The following AKNA variants were observed in gnomAD, a reference collection of about 807,000 sequenced individuals.
AKNA encodes the protein AT-hook transcription factor.
A neutral mutation model predicts 138.8 loss-of-function variants in AKNA; 67 were observed. The observed-to-expected ratio is 0.48, with a 90% CI of 0.40 to 0.59. The LOEUF (loss-of-function observed/expected upper bound fraction) is 0.59. AKNA is among the 20% of genes least tolerant of loss of function. AKNA has a pLI of 0.00. For synonymous variants in AKNA, 737 were observed against 754.4 expected, an observed-to-expected ratio of 0.98 and a Z score of 0.38; for missense variants, 1,813 against 1,880.4, an observed-to-expected ratio of 0.96 and a Z score of 0.66.
In AKNA at chr9:114,361,718, T is replaced by G. The variant is rs1355769509; in HGVS notation, c.2110A>C (p.Thr704Pro). 4 of 1,612,558 alleles carry G rather than the reference T, an allele frequency of 2.5e-6. No individual in the cohort carries two copies. The highest frequency in any genetic ancestry group is 1.3e-5 in the African/African-American group (1 of 74,686). Residue 704 changes from threonine to proline, a missense_variant, in exon 9 of 22, where the codon ACC (threonine) becomes CCC (proline). By Grantham distance (38) the Thr-to-Pro change is conservative. Transcript: ENST00000374088. ...CCAAGAGGTACCTCAGGGCAGGAGG[T>G]CTTGATGGCTGGCATGGGGGCTTGT... is the stretch of plus-strand genomic sequence containing the variant. The part of the protein sequence containing the change: ...SGQAPMPAIK[T>P]SCPEPATTTA...
rs139613205 is a variant in AKNA, at chr9:114,360,134, G to A, written c.2125-72C>T. On this transcript the variant is annotated intron_variant, in intron 9 of 21. Transcript: ENST00000374088. ...CACCACTTTTAAGCACTTACCTCCT[G>A]CCAGGCTCGAGCTGTGGGCTGCGGG... The A allele has an allele frequency of 1.6e-4, 252 of 1,595,644 alleles. 1 individual carries two copies. Among genetic ancestry groups the A allele is most frequent in the Admixed American group, 1.8e-4 (11 of 59,656 alleles).
At chr9:114,350,136 C>A (rs1057113110) in intron 15 of AKNA, among the ~76,000 whole-genome samples, 1 of 152,188 alleles carries the variant, frequency 6.6e-6, no homozygotes. Flanking sequence ...ATACCCTAGA[C>A]AAACAAGCCT....
chr9:114,386,947 C>T (rs972581881), intron 1 of AKNA, among the ~76,000 whole-genome samples: 2 of 152,028 alleles, frequency 1.3e-5, no homozygotes, highest in Admixed American at 1.3e-4. Flanking sequence ...GTCCAGGGTG[C>T]CACCCTGCTT....
At chr9:114,355,642 CGTT>C (rs1399073154) in intron 14 of AKNA, among the ~76,000 whole-genome samples, 1 of 152,202 alleles carries the variant, frequency 6.6e-6, no homozygotes, top group Non-Finnish European at 1.5e-5. Flanking sequence ...CGCTGTCTGT[CGTT>C]GAACAAAACG....
intron 7 of AKNA, 112 bp downstream of exon 7, chr9:114,364,448 T>G (rs1832191457): frequency 2.7e-6 from 3 of 1,101,516 alleles, no homozygotes; most frequent in Non-Finnish European, 1.4e-6. Context: ...AAAGAGACCC[T>G]GTGTCTGGGA....
chr9:114,341,538 G>C lies in AKNA; in HGVS notation c.4062C>G (p.Ala1354=). The change falls in exon 21 of 22, where the codon GCC becomes GCG. Residue 1354 remains alanine (A), a synonymous_variant. Transcript: ENST00000374088. ...GTCAGAATGAAGGCTCTTACACAGCGGCAGGTGGATAAGGCATGATGGGAA... is the reference window on the plus strand; with the variant it reads ...GTCAGAATGAAGGCTCTTACACAGCCGCAGGTGGATAAGGCATGATGGGAA... The part of the protein sequence containing the change: ...SSVPIMPYPP[A]AVYYAPAGPT... The C allele has an allele frequency of 1.9e-6, 3 of 1,614,062 alleles. No homozygotes were observed. The highest frequency in any genetic ancestry group is 2.5e-6 in the Non-Finnish European group (3 of 1,179,996).
upstream of AKNA, among the ~76,000 whole-genome samples, chr9:114,397,929 G>A (rs1834583375): frequency 1.3e-5 from 2 of 152,188 alleles, no homozygotes; most frequent in Admixed American, 1.3e-4. Flanking sequence ...AGGGCCGCCA[G>A]GCTGCGCGGA....
In AKNA at chr9:114,377,172, C is replaced by G; in HGVS notation, c.635G>C (p.Ser212Thr). The part of the protein sequence containing the change: ...SSGTVSLDHP[S>T]DSLDSTWEGE... ...TTCCCAGGTAGAATCAAGGCTGTCACTAGGGTGGTCGAGGCTCACTGTCCC... is the reference window on the plus strand; with the variant it reads ...TTCCCAGGTAGAATCAAGGCTGTCAGTAGGGTGGTCGAGGCTCACTGTCCC... The change falls in exon 3 of 22, where the codon AGT becomes ACT. Residue 212 changes from serine (S) to threonine (T), a missense_variant. Transcript: ENST00000374088. The G allele has an allele frequency of 1.2e-6, 2 of 1,614,186 alleles. No homozygotes were observed. The highest frequency in any genetic ancestry group is 1.7e-6 in the Non-Finnish European group (2 of 1,180,024).
At chr9:114,397,754 C>A (rs923996151), upstream of AKNA, among the ~76,000 whole-genome samples, 5 of 152,204 alleles carry the variant, frequency 3.3e-5, no homozygotes, top group African/African-American at 1.2e-4. Context: ...TCATTCTCCT[C>A]CGCAGGTGTA....
downstream of AKNA, chr9:114,330,680 G>C: frequency 6.2e-7 from 1 of 1,602,376 alleles, no homozygotes; most frequent in Non-Finnish European, 8.5e-7. Context: ...GGTGGAACCG[G>C]GAGGGTTGGC....
intron 1 of AKNA, among the ~76,000 whole-genome samples, chr9:114,381,944 C>T (rs973248973): frequency 5.3e-5 from 8 of 152,066 alleles, no homozygotes; most frequent in African/African-American, 9.7e-5. Context: ...CCACCATGCC[C>T]GGCCCCCTCC....
Position 114,360,809 on chromosome 9 carries a change from G to A in AKNA, c.2125-747C>T, listed in dbSNP as rs147777534. On this transcript the variant is annotated intron_variant, in intron 9 of 21. Coordinates refer to ENST00000374088, the MANE Select transcript of AKNA (RefSeq NM_001317950.2). ...TGAACGCACTACACTCAATTTGCTC[G>A]CCTGCAAAACGGAGATAGTGATTGT... 1.2e-4 allele frequency among the ~76,000 whole-genome samples: 19 copies of A among 152,258 alleles called. No homozygotes were observed. The East Asian group carries it at 1.4e-3, about 11-fold the overall frequency.
chr9:114,372,097 G>T (rs577010639), intron 4 of AKNA, among the ~76,000 whole-genome samples: 1 of 152,286 alleles, frequency 6.6e-6, no homozygotes, highest in South Asian at 2.1e-4. Context: ...GATGGGGTTG[G>T]GCAGGAGATG....
At chr9:114,345,349 G>A (rs1298666817) in intron 18 of AKNA, 1 of 152,234 alleles carries the variant, frequency 6.6e-6, no homozygotes. Context: ...CAAAGTGCTG[G>A]GATTAGAGGT....
intron 15 of AKNA, among the ~76,000 whole-genome samples, chr9:114,348,683 C>T (rs1212337673): frequency 6.6e-6 from 1 of 152,196 alleles, no homozygotes; most frequent in African/African-American, 2.4e-5. Context: ...CCAATCAGTC[C>T]CTGCATCTTC....
intron 1 of AKNA, among the ~76,000 whole-genome samples, chr9:114,384,493 C>A (rs1190663909): frequency 6.6e-6 from 1 of 152,198 alleles, no homozygotes; most frequent in Non-Finnish European, 1.5e-5. Flanking sequence ...TGTGAATTTT[C>A]TTCTGCCTCT....
intron 21 of AKNA, among the ~76,000 whole-genome samples, chr9:114,339,524 G>A (rs1005114782): frequency 6.6e-6 from 1 of 152,186 alleles, no homozygotes; most frequent in Non-Finnish European, 1.5e-5. Flanking sequence ...GGTATAACCC[G>A]CCCATCCTGA....
Position 114,337,012 on chromosome 9 carries a change from T to TGGGGGGGGGGGGGCC in AKNA, c.*41_*42insGGCCCCCCCCCCCCC. 1 of 1,208,224 alleles carries TGGGGGGGGGGGGGCC rather than the reference T, an allele frequency of 8.3e-7. No homozygotes were observed. The highest frequency in any genetic ancestry group is 1.1e-6 in the Non-Finnish European group (1 of 929,350). 74.8% of individuals were successfully genotyped at this position (1,208,224 alleles called of 1,614,324 possible). A position where few individuals can be genotyped will look rare whatever the true frequency, so the allele number is the denominator to read the frequency against. On this transcript the variant is annotated 3_prime_UTR_variant, in exon 22 of 22. Transcript: ENST00000374088. ...CCCACTCCTGGCCTGGCAGGCCACCTGCCCACCCACCCACCCATCTGCCTC... is the reference window on the plus strand; with the variant it reads ...CCCACTCCTGGCCTGGCAGGCCACCTGGGGGGGGGGGGGCCGCCCACCCACCCACCCATCTGCCTC...
intron 3 of AKNA, among the ~76,000 whole-genome samples, chr9:114,374,808 C>G (rs529008058): frequency 6.6e-6 from 1 of 152,302 alleles, no homozygotes; most frequent in South Asian, 2.1e-4. Context: ...AAGTAAGTAC[C>G]ATTATGGGTC....
Sources: gnomAD v4.1 joint callset for allele counts (sites outside exome capture counted in the v4.1 genomes callset) on GRCh38, gnomAD v4.1.1 for gene constraint, MANE v1.5 for transcripts, NCBI Gene and HGNC (gene_info 2026-07-23, HGNC 2026-07-21) for gene names.